The following TRARG1 variants were observed in gnomAD, a reference collection of about 807,000 sequenced individuals.
TRARG1 encodes the protein trafficking regulator of GLUT4 (SLC2A4) 1 (gene/pseudogene), also known as trafficking regulator of GLUT4 1.
TRARG1 carries 16 observed loss-of-function variants against 13.3 expected under a neutral mutation model. That is an observed-to-expected ratio of 1.20 (90% CI 0.81 to 1.83). The LOEUF (loss-of-function observed/expected upper bound fraction) is 1.83. Ranked by LOEUF, TRARG1 falls within the 40% of genes most tolerant of loss-of-function variation. The pLI is 0.00. For synonymous variants in TRARG1, 113 were observed against 106.2 expected (o/e 1.06, Z -0.39); for missense variants, 250 against 237.4 (o/e 1.05, Z -0.35).
intron 1 of TRARG1, among the ~76,000 whole-genome samples, chr17:1,292,301 C>T (rs1265306421): frequency 6.6e-6 from 1 of 152,228 alleles, no homozygotes; most frequent in African/African-American, 2.4e-5. Flanking sequence ...CTCACTGAAC[C>T]TTTGCAACAG....
At chr17:1,290,233 C>T (rs1489232336) in intron 1 of TRARG1, among the ~76,000 whole-genome samples, 3 of 152,198 alleles carry the variant, frequency 2.0e-5, no homozygotes, top group Admixed American at 6.5e-5. Context: ...AATTAATATC[C>T]TTCACTGGCT....
chr17:1,298,235 T>G lies in TRARG1; in HGVS notation c.521-16T>G. The G allele has an allele frequency of 6.2e-7, 1 of 1,613,202 alleles. No individual in the cohort carries two copies. Among genetic ancestry groups the G allele is most frequent in the Non-Finnish European group, 8.5e-7 (1 of 1,179,498 alleles). On this transcript the variant is annotated splice_polypyrimidine_tract_variant and intron_variant, in intron 2 of 2. Transcript: ENST00000333813. ...TCTGAGCCCTGTTCTGCCATATCTGTTTTTTTTCTTTACAGTTCAGAAGAA... is the reference window on the plus strand; with the variant it reads ...TCTGAGCCCTGTTCTGCCATATCTGGTTTTTTTCTTTACAGTTCAGAAGAA...
In TRARG1 at chr17:1,280,332, G is replaced by T; in HGVS notation, c.331G>T (p.Ala111Ser). ...PRDYLILAVVACFCPVWPLNL... is the reference protein window; with the variant it reads ...PRDYLILAVVSCFCPVWPLNL... Reference sequence around the variant, plus strand: ...AGATTACCTCATCCTGGCCGTCGTCGCCTGCTTCTGCCCCGTCTGGCCCCT... The same window carrying T: ...AGATTACCTCATCCTGGCCGTCGTCTCCTGCTTCTGCCCCGTCTGGCCCCT... Residue 111 changes from alanine to serine, a missense_variant, in exon 1 of 3, where the codon GCC becomes TCC. Ala to Ser is a moderately conservative substitution (Grantham distance 99, BLOSUM62 1). Coordinates refer to ENST00000333813, the MANE Select transcript of TRARG1 (RefSeq NM_172367.3). 1 of 1,613,140 alleles carries T rather than the reference G, an allele frequency of 6.2e-7. No homozygotes were observed.
chr17:1,288,110 T>G (rs2072036454), intron 1 of TRARG1, among the ~76,000 whole-genome samples: 1 of 151,806 alleles, frequency 6.6e-6, no homozygotes, highest in African/African-American at 2.4e-5. Context: ...GCAGCTCTCT[T>G]CCTCTCCCGT....
chr17:1,284,975 C>T (rs960595667), intron 1 of TRARG1, among the ~76,000 whole-genome samples: 11 of 152,110 alleles, frequency 7.2e-5, no homozygotes, highest in South Asian at 2.1e-4. Context: ...CCACCACACC[C>T]GGCTGAATGC....
At chr17:1,282,305 C>CGT (rs1567928374) in intron 1 of TRARG1, among the ~76,000 whole-genome samples, 15 of 149,852 alleles carry the variant, frequency 1.0e-4, no homozygotes, top group African/African-American at 3.7e-4. Flanking sequence ...CGTATATGTA[C>CGT]ATATGCGTAT....
intron 2 of TRARG1, among the ~76,000 whole-genome samples, 192 bp from the exon 3 acceptor site, chr17:1,298,059 C>T (rs2072124976): frequency 6.6e-6 from 1 of 152,188 alleles, no homozygotes. Flanking sequence ...ACTGAGGCCA[C>T]AGTCCTCTTA....
intron 1 of TRARG1, among the ~76,000 whole-genome samples, chr17:1,294,691 CT>C (rs35974763): frequency 0.19 from 24,756 of 130,272 alleles, 2,325 homozygotes; most frequent in Admixed American, 0.26. Flanking sequence ...GTCTCAAACT[CT>C]TTTTTTTTTT....
rs1327630477 is a variant in TRARG1, at chr17:1,285,384, C to G, written c.387+4996C>G. 3.9e-5 allele frequency among the ~76,000 whole-genome samples: 6 copies of G among 152,038 alleles called. No individual in the cohort carries two copies. In the East Asian group the frequency reaches 1.2e-3, roughly 29 times the overall value. ...CAAGATTGTGCCACTGCACTCCAGC[C>G]TGGGCAATAGAGCAAGACTCCATCT... On this transcript the variant is annotated intron_variant, in intron 1 of 2. Transcript: ENST00000333813.
At chr17:1,295,201 C>G (rs749706061) in intron 1 of TRARG1, among the ~76,000 whole-genome samples, 4 of 152,192 alleles carry the variant, frequency 2.6e-5, no homozygotes, top group Non-Finnish European at 5.9e-5. Context: ...CTCTAGCCTG[C>G]CACCGCCACC....
intron 1 of TRARG1, among the ~76,000 whole-genome samples, chr17:1,282,301 T>TGTACATATGCGTATATATGTACGTATAG: frequency 6.6e-6 from 1 of 151,870 alleles, no homozygotes. Flanking sequence ...TGTACGTATA[T>TGTACATATGCGTATATATGTACGTATAG]GTACATATGC....
chr17:1,290,314 G>C (rs1421619923), intron 1 of TRARG1, among the ~76,000 whole-genome samples: 4 of 152,094 alleles, frequency 2.6e-5, no homozygotes, highest in Admixed American at 1.3e-4. Flanking sequence ...GTTTTGTTTT[G>C]AGATGGAGTT....
At chr17:1,290,374 C>A (rs1027558278) in intron 1 of TRARG1, among the ~76,000 whole-genome samples, 1 of 152,208 alleles carries the variant, frequency 6.6e-6, no homozygotes, top group Non-Finnish European at 1.5e-5. Context: ...CAGCTCACTG[C>A]AGCCTCCGCC....
Position 1,280,175 on chromosome 17 carries a change from G to A in TRARG1, c.174G>A (p.Gln58=), listed in dbSNP as rs1019098540. The A allele has an allele frequency of 2.5e-6, 4 of 1,613,948 alleles. No homozygotes were observed. The African/African-American group carries it at 5.3e-5, about 22-fold the overall frequency. Residue 58 remains glutamine, a synonymous_variant, in exon 1 of 3, where the codon CAG becomes CAA. Coordinates refer to ENST00000333813, the MANE Select transcript of TRARG1 (RefSeq NM_172367.3). ...CTCTGGATCTGGAGCAGAACAGCCA[G>A]GGCCTACCCTTCAAGGCCATCTCCG... is the stretch of plus-strand genomic sequence containing the variant. ...SGPLDLEQNS[Q]GLPFKAISEG...
intron 1 of TRARG1, among the ~76,000 whole-genome samples, chr17:1,281,899 C>G (rs190294424): frequency 6.6e-6 from 1 of 152,026 alleles, no homozygotes; most frequent in East Asian, 1.9e-4. Flanking sequence ...GACCACAGAA[C>G]CTGCCCCAGT....
intron 1 of TRARG1, among the ~76,000 whole-genome samples, chr17:1,290,609 G>A (rs1010587521): frequency 2.6e-5 from 4 of 152,182 alleles, no homozygotes; most frequent in Admixed American, 6.5e-5. Flanking sequence ...GGTCCTTGTT[G>A]ATCTGGCGTT....
intron 1 of TRARG1, among the ~76,000 whole-genome samples, chr17:1,295,103 T>C (rs1354546581): frequency 6.6e-6 from 1 of 152,164 alleles, no homozygotes; most frequent in Non-Finnish European, 1.5e-5. Flanking sequence ...CGCTGCAGAA[T>C]TGAGGCTTGC....
intron 1 of TRARG1, among the ~76,000 whole-genome samples, chr17:1,293,413 G>A (rs953497547): frequency 6.6e-6 from 1 of 152,180 alleles, no homozygotes; most frequent in African/African-American, 2.4e-5. Context: ...ACAAGGCGTG[G>A]GTTGGGTTTG....
chr17:1,300,397 C>G lies in TRARG1; in HGVS notation c.*2133C>G, dbSNP rs1215448140. Reference sequence around the variant, plus strand: ...GACTCTAGGTGCCCTCGGAGTGCCACACATGCCCAGACCTTCTCACACCCA... The same window carrying G: ...GACTCTAGGTGCCCTCGGAGTGCCAGACATGCCCAGACCTTCTCACACCCA... On this transcript the variant is annotated 3_prime_UTR_variant, in exon 3 of 3. Coordinates refer to ENST00000333813, the MANE Select transcript of TRARG1 (RefSeq NM_172367.3). The G allele has an allele frequency of 6.6e-6, 1 of 152,294 alleles. No individual in the cohort carries two copies. Among genetic ancestry groups the G allele is most frequent in the Non-Finnish European group, 1.5e-5 (1 of 68,182 alleles). The allele number at this position is 152,294 out of a possible 1,614,324, so 9.4% of individuals were successfully genotyped here. A position where few individuals can be genotyped will look rare whatever the true frequency, so the allele number is the denominator to read the frequency against.
Sources: allele counts gnomAD v4.1 joint callset (sites outside exome capture counted in the v4.1 genomes callset), GRCh38; gene constraint gnomAD v4.1.1; transcripts MANE v1.5; gene names NCBI Gene and HGNC (gene_info 2026-07-23, HGNC 2026-07-21).